SEMA3C: variants seen among roughly 807,000 people sequenced by gnomAD.
SEMA3C encodes the protein semaphorin 3C.
Under a neutral mutation model 89.4 loss-of-function variants are expected in SEMA3C, and 47 were observed. That is an observed-to-expected ratio of 0.53 (90% CI 0.42 to 0.67). The LOEUF is 0.67. SEMA3C is among the 30% of genes least tolerant of loss of function. The probability of loss-of-function intolerance (pLI) is 0.00; values close to 1 mark genes in which losing one functional copy is unlikely to be tolerated. For missense variants in SEMA3C, 839 were observed against 929.1 expected (o/e 0.90, Z 1.26); for synonymous variants, 310 against 320.2 (o/e 0.97, Z 0.34).
Position 80,761,628 on chromosome 7 carries a change from A to G in SEMA3C, c.1473T>C (p.Ile491=), listed in dbSNP as rs762343931. 1.5e-6 allele frequency: 2 copies of G among 1,340,976 alleles called. No individual in the cohort carries two copies. Among genetic ancestry groups the G allele is most frequent in the Admixed American group, 2.2e-5 (1 of 44,494 alleles). 83.1% of individuals were successfully genotyped at this position (1,340,976 alleles called of 1,614,324 possible). A position where few individuals can be genotyped will look rare whatever the true frequency, so the allele number is the denominator to read the frequency against. ...KNHAPITTMK[I]SSKKQQLYVS... is the part of the protein sequence containing the mutation. ...GCTTAGTTTTTACCTTTTTAGATGA[A>G]ATTTTCATTGTTGTTATAGGAGCAT... Residue 491 remains isoleucine (I), a synonymous_variant, in exon 14 of 18, where the codon ATT becomes ATC. Coordinates refer to ENST00000265361, the MANE Select transcript of SEMA3C (RefSeq NM_006379.5).
At position 80,810,606 on chromosome 7, in the gene SEMA3C, C is replaced by T; in HGVS notation, c.538+5G>A. Reference sequence around the variant, plus strand: ...TTAATCCTCCCTCTTTCGTTGTCTACTTACTGATCATAACAGACACCGTGT... The same window carrying T: ...TTAATCCTCCCTCTTTCGTTGTCTATTTACTGATCATAACAGACACCGTGT... On this transcript the variant is annotated splice_donor_5th_base_variant and intron_variant, in intron 6 of 17. Transcript: ENST00000265361. 3.1e-6 allele frequency: 5 copies of T among 1,611,358 alleles called. No homozygotes were observed. Among genetic ancestry groups the T allele is most frequent in the Non-Finnish European group, 4.2e-6 (5 of 1,177,790 alleles).
At chr7:80,771,787 A>G (rs546909214) in intron 12 of SEMA3C, among the ~76,000 whole-genome samples, 1 of 152,280 alleles carries the variant, frequency 6.6e-6, no homozygotes, top group East Asian at 1.9e-4. Context: ...AGATCTGGCC[A>G]GTCCCTTCCT....
intron 2 of SEMA3C, among the ~76,000 whole-genome samples, chr7:80,859,798 G>GTGGC (rs950416437): frequency 4.6e-5 from 7 of 152,076 alleles, no homozygotes; most frequent in African/African-American, 1.7e-4. Context: ...TGACAGCTCA[G>GTGGC]TGGCTGGCTG....
chr7:80,810,542 G>T lies in SEMA3C; in HGVS notation c.538+69C>A. On this transcript the variant is annotated intron_variant, in intron 6 of 17. Transcript: ENST00000265361. The stretch of plus-strand genomic sequence containing the variant: ...TCATCCACACAACCATCAAGAATAG[G>T]TATACCATGTCAAGCTAATTTTCCA... 3 of 1,195,658 alleles carry T rather than the reference G, an allele frequency of 2.5e-6. 1 individual carries two copies. Among genetic ancestry groups the T allele is most frequent in the South Asian group, 2.5e-5 (2 of 80,820 alleles). 74.1% of individuals were successfully genotyped at this position (1,195,658 alleles called of 1,614,324 possible).
At chr7:80,906,071 T>C (rs1255565850) in intron 2 of SEMA3C, among the ~76,000 whole-genome samples, 1 of 152,184 alleles carries the variant, frequency 6.6e-6, no homozygotes, top group Non-Finnish European at 1.5e-5. Flanking sequence ...AAAAGCTTTT[T>C]TTCTCTTATC....
At position 80,745,255 on chromosome 7, in the gene SEMA3C, G is replaced by C. The variant is rs757381855; in HGVS notation, c.1895C>G (p.Ser632Cys). The C allele has an allele frequency of 1.2e-6, 2 of 1,614,004 alleles. No individual in the cohort carries two copies. Among genetic ancestry groups the C allele is most frequent in the African/African-American group, 1.3e-5 (1 of 75,048 alleles). The change falls in exon 18 of 18, where the codon TCT (serine) becomes TGT (cysteine). Residue 632 changes from serine to cysteine, a missense_variant. Transcript: ENST00000265361. ...IATSQGLLIR[S>C]VQGSDQGLYH... ...AAGTCCTTGGTCAGAACCCTGAACAGAGCGGATCAGGAGTCCCTGTGAAGT... is the reference window on the plus strand; with the variant it reads ...AAGTCCTTGGTCAGAACCCTGAACACAGCGGATCAGGAGTCCCTGTGAAGT...
chr7:80,850,704 T>C (rs997702420), intron 2 of SEMA3C, among the ~76,000 whole-genome samples: 20 of 152,204 alleles, frequency 1.3e-4, no homozygotes, highest in African/African-American at 4.3e-4. Flanking sequence ...CTAACTAGTG[T>C]GGTATGTCAT....
At chr7:80,903,614 AT>A (rs1397155064) in intron 2 of SEMA3C, among the ~76,000 whole-genome samples, 1 of 152,186 alleles carries the variant, frequency 6.6e-6, no homozygotes, top group African/African-American at 2.4e-5. Flanking sequence ...GTGAGCTGAG[AT>A]CACGCCACTG....
At chr7:80,860,559 C>T (rs1790747458) in intron 2 of SEMA3C, among the ~76,000 whole-genome samples, 1 of 152,142 alleles carries the variant, frequency 6.6e-6, no homozygotes, top group South Asian at 2.1e-4. Context: ...ATTACAGAGA[C>T]ATTATCCTGT....
chr7:80,838,746 G>A (rs1275354383), intron 2 of SEMA3C, among the ~76,000 whole-genome samples: 2 of 152,102 alleles, frequency 1.3e-5, no homozygotes, highest in Non-Finnish European at 2.9e-5. Context: ...GCAAGAGAAA[G>A]AGAAAGAGCA....
intron 12 of SEMA3C, among the ~76,000 whole-genome samples, chr7:80,772,698 G>GTT (rs1263735338): frequency 2.1e-5 from 3 of 143,018 alleles, no homozygotes; most frequent in South Asian, 2.2e-4. Context: ...GGTTAAACAT[G>GTT]TTTTTTTTTT....
At chr7:80,873,874 C>G (rs964569325) in intron 2 of SEMA3C, among the ~76,000 whole-genome samples, 1 of 152,164 alleles carries the variant, frequency 6.6e-6, no homozygotes, top group East Asian at 1.9e-4. Context: ...TTAGGATGTT[C>G]ACTGTGCTCT....
At chr7:80,802,376 A>T (rs1356981623) in intron 9 of SEMA3C, among the ~76,000 whole-genome samples, 1 of 152,156 alleles carries the variant, frequency 6.6e-6, no homozygotes, top group African/African-American at 2.4e-5. Flanking sequence ...AAACACAAAC[A>T]TATCATTACC....
intron 2 of SEMA3C, among the ~76,000 whole-genome samples, chr7:80,911,963 G>C (rs1032333960): frequency 7.9e-5 from 12 of 151,964 alleles, no homozygotes; most frequent in African/African-American, 2.7e-4. Context: ...CGCTGTGTTC[G>C]TATGACCGAT....
At chr7:80,889,478 A>G (rs917178115) in intron 2 of SEMA3C, among the ~76,000 whole-genome samples, 1 of 152,178 alleles carries the variant, frequency 6.6e-6, no homozygotes, top group Non-Finnish European at 1.5e-5. Flanking sequence ...GTATTACAAC[A>G]CATTCCTGTG....
chr7:80,810,713 A>G lies in SEMA3C; in HGVS notation c.448-12T>C. The G allele has an allele frequency of 6.3e-7, 1 of 1,598,754 alleles. No individual in the cohort carries two copies. On this transcript the variant is annotated splice_polypyrimidine_tract_variant and intron_variant, in intron 5 of 17. Transcript: ENST00000265361. ...ATGAAAACTTGGTCCTTTATTGTAG[A>G]TAAAATTTAAAATGTGGCAATGATA...
chr7:80,766,230 G>C (rs1285672950), intron 12 of SEMA3C, among the ~76,000 whole-genome samples: 2 of 152,194 alleles, frequency 1.3e-5, no homozygotes, highest in Admixed American at 1.3e-4. Context: ...TAGCTAGTCA[G>C]ACATGAATAG....
At chr7:80,786,265 T>C (rs1788799578) in intron 12 of SEMA3C, among the ~76,000 whole-genome samples, 1 of 152,198 alleles carries the variant, frequency 6.6e-6, no homozygotes, top group African/African-American at 2.4e-5. Flanking sequence ...CCAAAGAATT[T>C]GTGCAAAAGT....
intron 12 of SEMA3C, among the ~76,000 whole-genome samples, chr7:80,775,894 T>C (rs1403295848): frequency 1.3e-5 from 2 of 152,098 alleles, no homozygotes; most frequent in Non-Finnish European, 2.9e-5. Flanking sequence ...TAAAAAAAAT[T>C]ATTTTCTAGA....
Sources: allele counts gnomAD v4.1 joint callset (sites outside exome capture counted in the v4.1 genomes callset), GRCh38; gene constraint gnomAD v4.1.1; transcripts MANE v1.5; gene names NCBI Gene and HGNC (gene_info 2026-07-23, HGNC 2026-07-21).